Variants in MACF1 observed in about 807,000 individuals in gnomAD.
MACF1 encodes microtubule actin crosslinking factor 1.
Under a neutral mutation model 854.8 loss-of-function variants are expected in MACF1, and 193 were observed. That is an observed-to-expected ratio of 0.23 (90% confidence interval 0.20 to 0.25). The LOEUF (loss-of-function observed/expected upper bound fraction) is 0.25, where lower values mean the gene tolerates loss of function less well. MACF1 is among the 10% of genes least tolerant of loss of function. The pLI, the probability that MACF1 is intolerant of heterozygous loss-of-function variation, is 1.00. For synonymous variants in MACF1, 3,185 were observed against 3,226.7 expected, an observed-to-expected ratio of 0.99 and a Z score of 0.44; for missense variants, 7,722 against 8,929.1, an observed-to-expected ratio of 0.86 and a Z score of 5.45.
intron 72 of MACF1, among the ~76,000 whole-genome samples, chr1:39,440,325 A>G (rs1433435385): frequency 6.6e-6 from 1 of 150,530 alleles, no homozygotes; most frequent in Non-Finnish European, 1.5e-5. Flanking sequence ...AGGCTTGTCC[A>G]GAACTCCTGG....
rs772783876 is a variant in MACF1, at chr1:39,432,583, C to T, written c.17386C>T (p.Arg5796Trp). The T allele has an allele frequency of 8.7e-6, 14 of 1,613,918 alleles. No individual in the cohort carries two copies. The highest frequency in any genetic ancestry group is 3.3e-5 in the Admixed American group (2 of 59,986). Reference sequence around the variant, plus strand: ...ACTAGCTTGGGTTGCTGAAACAAAACGGAAACTGATGGCTCTGGGTCCAAT... The same window carrying T: ...ACTAGCTTGGGTTGCTGAAACAAAATGGAAACTGATGGCTCTGGGTCCAAT... ...AELAWVAETK[R>W]KLMALGPIRL... Residue 5796 changes from arginine to tryptophan, a missense_variant, in exon 67 of 101, where the codon CGG becomes TGG. Physicochemically the swap from Arg to Trp is moderately radical, Grantham distance 101. Around this residue, in one of 15 missense-constraint regions of MACF1, gnomAD observed 2,807 missense variants for 3,235.8 expected, o/e 0.87. Transcript: ENST00000564288.
intron 89 of MACF1, chr1:39,457,426 C>G (rs1301741868): frequency 6.6e-6 from 1 of 152,452 alleles, no homozygotes; most frequent in African/African-American, 2.4e-5. Context: ...CTTAACCTGT[C>G]TTCTCACTGC....
In MACF1 at chr1:39,438,021, T is replaced by C; in HGVS notation, c.18220+13T>C. 1 of 1,606,804 alleles carries C rather than the reference T, an allele frequency of 6.2e-7. No homozygotes were observed. Among genetic ancestry groups the C allele is most frequent in the Non-Finnish European group, 8.5e-7 (1 of 1,175,102 alleles). The stretch of plus-strand genomic sequence containing the variant: ...CTGGCTGCAAAAGGTGCTTGATGAT[T>C]GTCATTATTTTTAAAAATCAACAGA... On this transcript the variant is annotated intron_variant, in intron 71 of 100. Coordinates refer to ENST00000564288, the MANE Select transcript of MACF1 (RefSeq NM_001394062.1).
At chr1:39,399,466 C>G (rs933085712) in intron 58 of MACF1, among the ~76,000 whole-genome samples, 22 of 148,538 alleles carry the variant, frequency 1.5e-4, no homozygotes, top group African/African-American at 5.5e-4. Flanking sequence ...TTTCTGACTC[C>G]CAGGTTCAAG....
chr1:39,480,066 A>G (rs1644985783), intron 98 of MACF1, 57 bp downstream of exon 98: 2 of 1,099,336 alleles, frequency 1.8e-6, no homozygotes, highest in African/African-American at 1.5e-5. Context: ...ACAGATGTTC[A>G]TTGTTCACGG....
At position 39,285,676 on chromosome 1, in the gene MACF1, G is replaced by C. The variant is rs760867845; in HGVS notation, c.1426G>C (p.Glu476Gln). The C allele has an allele frequency of 2.5e-6, 4 of 1,614,076 alleles. No homozygotes were observed. In the South Asian group the frequency reaches 3.3e-5, roughly 13 times the overall value. The part of the protein sequence containing the change: ...SDVIMYIQEC[E>Q]GLIRQLQVDL... ...TGTCATTATGTACATTCAGGAGTGT[G>C]AAGGTCTCATCAGGCAGCTGCAGGT... The change falls in exon 14 of 101, where the codon GAA becomes CAA. Residue 476 changes from glutamate (E) to glutamine (Q), a missense_variant. This residue lies in a region of MACF1 where 1,137 missense variants were observed against 1,263.0 expected (regional missense o/e 0.90). Coordinates refer to ENST00000564288, the MANE Select transcript of MACF1 (RefSeq NM_001394062.1).
chr1:39,123,203 A>AT (rs10585991), intron 2 of MACF1, among the ~76,000 whole-genome samples: 4,954 of 111,692 alleles, frequency 0.044, 205 homozygotes, highest in African/African-American at 0.087. Context: ...ATATATATAA[A>AT]TTTTTTTTTT....
chr1:39,226,306 G>GAA (rs1644714863), intron 1 of MACF1, among the ~76,000 whole-genome samples: 1 of 152,046 alleles, frequency 6.6e-6, no homozygotes, highest in African/African-American at 2.4e-5. Flanking sequence ...CGTTATGGAA[G>GAA]GGCTTGGTAG....
At chr1:39,293,739 C>T in intron 18 of MACF1, 120 bp downstream of exon 18, 1 of 887,368 alleles carries the variant, frequency 1.1e-6, no homozygotes, top group South Asian at 2.2e-5. Flanking sequence ...GAAATAGGGG[C>T]CCTACTCAAT....
At position 39,357,536 on chromosome 1, in the gene MACF1, G is replaced by C; in HGVS notation, c.11586G>C (p.Leu3862=). Residue 3862 remains leucine (L), a synonymous_variant, in exon 45 of 101, where the codon CTG becomes CTC. Coordinates refer to ENST00000564288, the MANE Select transcript of MACF1 (RefSeq NM_001394062.1). The stretch of plus-strand genomic sequence containing the variant: ...TAAAGGAACAATACTCTACTTCCCT[G>C]GCCCAATCAGAGGCAGAACTGAAGC... The part of the protein sequence containing the change: ...GELKEQYSTS[L]AQSEAELKQV... 6.2e-7 allele frequency: 1 copy of C among 1,614,112 alleles called. No homozygotes were observed. The highest frequency in any genetic ancestry group is 8.5e-7 in the Non-Finnish European group (1 of 1,180,028).
Position 39,387,957 on chromosome 1 carries a change from C to G in MACF1, c.15115C>G (p.Leu5039Val), listed in dbSNP as rs1441301863. The change falls in exon 58 of 101, where the codon CTG (leucine) becomes GTG (valine). Residue 5039 changes from leucine (L) to valine (V), a missense_variant. By Grantham distance (32) the Leu-to-Val change is conservative (BLOSUM62 1). Around this residue, in one of 15 missense-constraint regions of MACF1, gnomAD observed 2,807 missense variants for 3,235.8 expected, o/e 0.87. Transcript: ENST00000564288. ...ACACCAACTTGAGATCTTTGATGCT[C>G]TGGGTTCTCAAGCCTGTAGCAACAA... ...AKHQLEIFDA[L>V]GSQACSNKNL... The G allele has an allele frequency of 1.2e-6, 2 of 1,613,874 alleles. No homozygotes were observed. Among genetic ancestry groups the G allele is most frequent in the Admixed American group, 1.7e-5 (1 of 59,980 alleles).
At chr1:39,482,883 G>T (rs1444378834) in intron 99 of MACF1, among the ~76,000 whole-genome samples, 1 of 150,910 alleles carries the variant, frequency 6.6e-6, no homozygotes, top group East Asian at 1.9e-4. Context: ...TGAGGCCGAG[G>T]TGGGCAGATC....
chr1:39,293,367 C>A (rs1173984501), intron 17 of MACF1, 91 bp from the exon 18 acceptor site: 2 of 1,159,790 alleles, frequency 1.7e-6, no homozygotes, highest in Non-Finnish European at 2.4e-6. Flanking sequence ...AAATTAATTT[C>A]CTGAGTTATT....
intron 47 of MACF1, among the ~76,000 whole-genome samples, chr1:39,360,007 AAAAAAATATATATATATATATATAT>A (rs1647965719): frequency 4.8e-5 from 3 of 62,022 alleles, no homozygotes; most frequent in South Asian, 5.0e-4. Flanking sequence ...AAAAAAAAAA[AAAAAAATATATATATATATATATAT>A]ATATATATAT....
chr1:39,142,263 C>T (rs1643361449), intron 2 of MACF1, among the ~76,000 whole-genome samples: 1 of 152,180 alleles, frequency 6.6e-6, no homozygotes, highest in Non-Finnish European at 1.5e-5. Flanking sequence ...GTTGCCTCAT[C>T]TCCCTGGGCC....
intron 2 of MACF1, among the ~76,000 whole-genome samples, chr1:39,085,116 T>C (rs1295668525): frequency 6.6e-6 from 1 of 152,098 alleles, no homozygotes; most frequent in Non-Finnish European, 1.5e-5. Flanking sequence ...TCAGAGAGGG[T>C]AGGGTGCTGG....
intron 58 of MACF1, among the ~76,000 whole-genome samples, chr1:39,418,736 G>C (rs1357146586): frequency 2.0e-5 from 3 of 152,176 alleles, no homozygotes; most frequent in African/African-American, 7.2e-5. Flanking sequence ...GGTGGCGCAT[G>C]CCTGTAGTCC....
At chr1:39,414,343 G>A (rs764025601) in intron 58 of MACF1, 12 of 1,613,894 alleles carry the variant, frequency 7.4e-6, no homozygotes, top group Non-Finnish European at 1.0e-5. Flanking sequence ...ACCTGTTCTA[G>A]AGGAGGCTTC....
intron 45 of MACF1, 23 bp downstream of exon 45, chr1:39,357,916 C>T (rs1647727013): frequency 6.3e-7 from 1 of 1,582,518 alleles, no homozygotes; most frequent in Non-Finnish European, 8.6e-7. Flanking sequence ...TTCCTGGCAT[C>T]CTTGGTGAAA....
Sources: gnomAD v4.1 joint callset for allele counts (sites outside exome capture counted in the v4.1 genomes callset) on GRCh38, gnomAD v4.1.1 for gene constraint, gnomAD v4.1.1 regional missense constraint, MANE v1.5 for transcripts, NCBI Gene and HGNC (gene_info 2026-07-23, HGNC 2026-07-21) for gene names.